The following PTPRT variants were observed in gnomAD, a reference collection of about 807,000 sequenced individuals.
PTPRT encodes the protein protein tyrosine phosphatase receptor type T.
A neutral mutation model predicts 176.8 loss-of-function variants in PTPRT; 56 were observed. The observed-to-expected ratio is 0.32, with a 90% CI of 0.26 to 0.40. The LOEUF is 0.40. PTPRT is among the 10% of genes least tolerant of loss of function. PTPRT has a pLI of 1.00. For synonymous variants in PTPRT, 783 were observed against 739.0 expected (o/e 1.06, Z -0.96); for missense variants, 1,540 against 1,908.2 (o/e 0.81, Z 3.60).
intron 17 of PTPRT, among the ~76,000 whole-genome samples, chr20:42,160,831 G>A (rs1189200706): frequency 1.3e-5 from 2 of 152,198 alleles, no homozygotes; most frequent in Non-Finnish European, 2.9e-5. Flanking sequence ...GGGAACTGTG[G>A]TCACTGGAGA....
chr20:42,662,504 G>A lies in PTPRT; in HGVS notation c.1153+15362C>T, dbSNP rs6016865. On this transcript the variant is annotated intron_variant, in intron 7 of 30. Transcript: ENST00000373187. ...ACCTACCTCATGGGGTTATAGGTTT[G>A]CAGGCAAAGTCAGTGGGGTAAGCCT... Among the ~76,000 whole-genome samples the A allele has an allele frequency of 9.0e-3, 1,372 of 152,268 alleles. 23 individuals carry two copies. The highest frequency in any genetic ancestry group is 0.032 in the African/African-American group (1,318 of 41,546).
intron 9 of PTPRT, among the ~76,000 whole-genome samples, chr20:42,414,021 G>A (rs976233032): frequency 1.3e-5 from 2 of 152,016 alleles, no homozygotes; most frequent in South Asian, 2.1e-4. Context: ...TAGTATAGAC[G>A]GAGTTTTGCC....
At chr20:42,590,817 C>T (rs2073555979) in intron 7 of PTPRT, among the ~76,000 whole-genome samples, 1 of 151,942 alleles carries the variant, frequency 6.6e-6, no homozygotes, top group Admixed American at 6.6e-5. Context: ...CCTCAATAAT[C>T]AATACATTAA....
At chr20:42,568,677 G>T (rs1306471195) in intron 7 of PTPRT, among the ~76,000 whole-genome samples, 2 of 152,044 alleles carry the variant, frequency 1.3e-5, no homozygotes, top group Admixed American at 1.3e-4. Flanking sequence ...GGGGTCAGAG[G>T]TGACCCTCCT....
chr20:42,059,788 C>T, the PTPRT span, among the ~76,000 whole-genome samples: 4 of 152,192 alleles, frequency 2.6e-5, no homozygotes, highest in Admixed American at 6.5e-5. Context: ...AAGTCATTCC[C>T]GAGAAGCTCG....
In PTPRT at chr20:42,583,068, C is replaced by A. The variant is rs112483017; in HGVS notation, c.1153+94798G>T. ...GGCACATGAAGGCTCCCTTTCCTTA[C>A]CTTTTCCTGGCACATGCAAATATAT... On this transcript the variant is annotated intron_variant, in intron 7 of 30. Coordinates refer to ENST00000373187, the MANE Select transcript of PTPRT (RefSeq NM_007050.6). Among the ~76,000 whole-genome samples the A allele has an allele frequency of 7.6e-4, 115 of 152,258 alleles. 1 individual carries two copies. Among genetic ancestry groups the A allele is most frequent in the African/African-American group, 2.6e-3 (109 of 41,546 alleles).
intron 1 of PTPRT, among the ~76,000 whole-genome samples, chr20:42,997,756 C>T (rs1483899035): frequency 3.9e-5 from 6 of 152,196 alleles, no homozygotes; most frequent in Middle Eastern, 3.4e-3. Flanking sequence ...TGCTCATTAG[C>T]GATGATCATT....
chr20:42,640,628 C>T (rs922795385), intron 7 of PTPRT, among the ~76,000 whole-genome samples: 2 of 152,096 alleles, frequency 1.3e-5, no homozygotes, highest in African/African-American at 4.8e-5. Flanking sequence ...ACCACCGCCT[C>T]AGCCTCCCAA....
At chr20:42,186,102 G>A (rs1406481389) in intron 16 of PTPRT, among the ~76,000 whole-genome samples, 3 of 152,018 alleles carry the variant, frequency 2.0e-5, no homozygotes, top group African/African-American at 7.2e-5. Context: ...AAGAATGGAG[G>A]TCTAAAGGAA....
At chr20:43,065,219 C>T (rs1036552287) in intron 1 of PTPRT, among the ~76,000 whole-genome samples, 3 of 152,170 alleles carry the variant, frequency 2.0e-5, no homozygotes, top group Non-Finnish European at 2.9e-5. Context: ...GTTTTCTCTG[C>T]GTTCATGCCA....
chr20:43,085,500 A>T (rs905652364), intron 1 of PTPRT, among the ~76,000 whole-genome samples: 1 of 152,220 alleles, frequency 6.6e-6, no homozygotes, highest in Non-Finnish European at 1.5e-5. Flanking sequence ...TAATAAAGAC[A>T]TACCCGAGAC....
chr20:42,804,166 A>G (rs900552444), intron 2 of PTPRT, among the ~76,000 whole-genome samples: 1 of 151,978 alleles, frequency 6.6e-6, no homozygotes, highest in Non-Finnish European at 1.5e-5. Context: ...TACGGTTTTC[A>G]TCCTGAACCC....
intron 13 of PTPRT, among the ~76,000 whole-genome samples, chr20:42,280,924 A>G (rs1008545276): frequency 6.6e-6 from 1 of 152,122 alleles, no homozygotes; most frequent in Non-Finnish European, 1.5e-5. Flanking sequence ...CTTACATCCC[A>G]GAGGGTGTCC....
At chr20:43,177,552 G>A (rs1322957001) in intron 1 of PTPRT, among the ~76,000 whole-genome samples, 4 of 152,206 alleles carry the variant, frequency 2.6e-5, no homozygotes, top group African/African-American at 9.7e-5. Flanking sequence ...AGCTTTCCAG[G>A]GACAAATGAT....
chr20:42,874,168 T>G (rs1490269617), intron 2 of PTPRT, among the ~76,000 whole-genome samples: 2 of 152,140 alleles, frequency 1.3e-5, no homozygotes, highest in East Asian at 3.9e-4. Flanking sequence ...CCTCTCCGGC[T>G]GCCCTGGGAG....
intron 6 of PTPRT, among the ~76,000 whole-genome samples, chr20:42,695,345 T>C (rs1457239971): frequency 6.6e-6 from 1 of 152,210 alleles, no homozygotes; most frequent in Non-Finnish European, 1.5e-5. Context: ...TCCATTCAGA[T>C]TCCTGATGAA....
chr20:42,421,282 G>A (rs1006335442), intron 9 of PTPRT, among the ~76,000 whole-genome samples: 1 of 150,604 alleles, frequency 6.6e-6, no homozygotes, highest in African/African-American at 2.4e-5. Flanking sequence ...ACACACGCAT[G>A]CACACACACA....
At chr20:42,529,397 G>A (rs557363486) in intron 7 of PTPRT, among the ~76,000 whole-genome samples, 124 of 152,328 alleles carry the variant, frequency 8.1e-4, no homozygotes, top group African/African-American at 2.7e-3. Flanking sequence ...ATCAGATATG[G>A]ATGGAAGAAT....
rs145236378 is a variant in PTPRT, at chr20:42,909,850, G to A, written c.89-23918C>T. 2.7e-3 allele frequency among the ~76,000 whole-genome samples: 411 copies of A among 152,246 alleles called. 1 individual carries two copies. The highest frequency in any genetic ancestry group is 9.0e-3 in the African/African-American group (373 of 41,556). On this transcript the variant is annotated intron_variant, in intron 1 of 30. Coordinates refer to ENST00000373187, the MANE Select transcript of PTPRT (RefSeq NM_007050.6). The stretch of plus-strand genomic sequence containing the variant: ...TGGGGAGAAAAAACATTCAACAACC[G>A]GGCCAGAAAACACTGCTATTGTCGA...
Sources: allele counts gnomAD v4.1 joint callset (sites outside exome capture counted in the v4.1 genomes callset), GRCh38; gene constraint gnomAD v4.1.1; transcripts MANE v1.5; gene names NCBI Gene and HGNC (gene_info 2026-07-23, HGNC 2026-07-21).